The following PREX1 variants were observed in gnomAD, a reference collection of about 807,000 sequenced individuals.
PREX1 encodes phosphatidylinositol-3,4,5-trisphosphate dependent Rac exchange factor 1, also known as phosphatidylinositol 3,4,5-trisphosphate-dependent Rac exchanger 1 protein.
In PREX1, 41 loss-of-function variants were observed where a neutral mutation model predicts 198.3. The observed-to-expected ratio is 0.21, with a 90% CI of 0.16 to 0.27. PREX1 has a LOEUF of 0.27. Ranked by LOEUF, PREX1 falls within the 10% of genes least tolerant of loss-of-function variation. The pLI is 1.00. For synonymous variants in PREX1, 843 were observed against 887.2 expected (o/e 0.95, Z 0.89); for missense variants, 1,620 against 2,200.7 (o/e 0.74, Z 5.28).
intron 27 of PREX1, 80 bp from the exon 28 acceptor site, chr20:48,642,569 A>G: frequency 7.9e-7 from 1 of 1,269,946 alleles, no homozygotes; most frequent in Non-Finnish European, 1.1e-6. Flanking sequence ...TAAGAGGGGG[A>G]TACAGCTACA....
intron 5 of PREX1, among the ~76,000 whole-genome samples, chr20:48,720,707 T>A (rs754554732): frequency 6.6e-6 from 1 of 152,018 alleles, no homozygotes; most frequent in Non-Finnish European, 1.5e-5. Context: ...CACTCCCAGT[T>A]GTCCCCCTTC....
chr20:48,845,856 T>C, the PREX1 span, among the ~76,000 whole-genome samples: 1 of 152,152 alleles, frequency 6.6e-6, no homozygotes, highest in Admixed American at 6.6e-5. Flanking sequence ...TCAAAAGTGA[T>C]GTGTGGATTT....
At chr20:48,631,958 C>T (rs1000552358) in intron 35 of PREX1, among the ~76,000 whole-genome samples, 16 of 152,154 alleles carry the variant, frequency 1.1e-4, no homozygotes, top group African/African-American at 3.9e-4. Flanking sequence ...AGAATGAAGC[C>T]GGCTCCTCTC....
chr20:48,691,233 T>G lies in PREX1; in HGVS notation c.1037-137A>C. 9.3e-7 allele frequency: 1 copy of G among 1,077,258 alleles called. No homozygotes were observed. The highest frequency in any genetic ancestry group is 1.4e-6 in the Non-Finnish European group (1 of 732,010). The allele number at this position is 1,077,258 out of a possible 1,614,324, so 66.7% of individuals were successfully genotyped here. ...GGATGGGGAGCTGGACTTCCAGCCC[T>G]TCAAACGCTCACTTCTTATCCTTTT... On this transcript the variant is annotated intron_variant, in intron 8 of 39. Transcript: ENST00000371941. The surrounding 1 kb of genome is among the most constrained non-coding windows in gnomAD (Gnocchi z 5.0).
intron 4 of PREX1, among the ~76,000 whole-genome samples, chr20:48,729,242 A>G (rs2090023360): frequency 6.6e-6 from 1 of 152,004 alleles, no homozygotes; most frequent in Admixed American, 6.5e-5. Flanking sequence ...ATGCCCAGCT[A>G]ATTTTTGTAT....
chr20:48,841,207 C>A, the PREX1 span, among the ~76,000 whole-genome samples: 2 of 152,194 alleles, frequency 1.3e-5, no homozygotes, highest in Non-Finnish European at 2.9e-5. Context: ...CCGATGGGAG[C>A]CACTTCACCA....
At chr20:48,777,361 T>C (rs2090267307) in intron 1 of PREX1, among the ~76,000 whole-genome samples, 1 of 152,040 alleles carries the variant, frequency 6.6e-6, no homozygotes, top group Non-Finnish European at 1.5e-5. Context: ...TTCGCTGGAA[T>C]CCCAAACCCA....
intron 1 of PREX1, among the ~76,000 whole-genome samples, chr20:48,800,420 CACTTG>C (rs2090381312): frequency 6.6e-6 from 1 of 152,186 alleles, no homozygotes; most frequent in South Asian, 2.1e-4. Context: ...CTCTATTTAC[CACTTG>C]ACTTATCAGT....
At chr20:48,862,805 A>ATGTGTGTG in the PREX1 span, among the ~76,000 whole-genome samples, 1 of 120,830 alleles carries the variant, frequency 8.3e-6, no homozygotes. Flanking sequence ...ATATATATAT[A>ATGTGTGTG]TATATATACT....
At position 48,625,888 on chromosome 20, in the gene PREX1, G is replaced by A; in HGVS notation, c.4977C>T (p.Leu1659=). 6.4e-7 allele frequency: 1 copy of A among 1,564,120 alleles called. No homozygotes were observed. Among genetic ancestry groups the A allele is most frequent in the South Asian group, 1.2e-5 (1 of 85,240 alleles). The change falls in exon 40 of 40, where the codon CTC becomes CTT. Residue 1659 remains leucine, a synonymous_variant. Transcript: ENST00000371941. The stretch of plus-strand genomic sequence containing the variant: ...CCAGCGTGGGGCATTTGGGTGTTCA[G>A]AGGTCCCCATCCACCGGCGGCTGGC... ...RLCQPPVDGD[L]
chr20:48,847,364 T>TAAAAAAAAAAAAAAAAAAAAAAAA, the PREX1 span, among the ~76,000 whole-genome samples: 18 of 77,210 alleles, frequency 2.3e-4, 1 homozygote, highest in Non-Finnish European at 3.6e-4. Flanking sequence ...CCTTCTCTTA[T>TAAAAAAAAAAAAAAAAAAAAAAAA]AAAAAAAAAA....
At chr20:48,698,974 C>T (rs967228754) in intron 7 of PREX1, among the ~76,000 whole-genome samples, 2 of 152,176 alleles carry the variant, frequency 1.3e-5, no homozygotes, top group Non-Finnish European at 2.9e-5. Context: ...GATCCAATGG[C>T]GGGCCTAGCT....
At chr20:48,840,986 A>G in the PREX1 span, among the ~76,000 whole-genome samples, 1 of 150,966 alleles carries the variant, frequency 6.6e-6, no homozygotes, top group Non-Finnish European at 1.5e-5. Flanking sequence ...AAATGTGCAG[A>G]TGGGGGTCTC....
intron 5 of PREX1, among the ~76,000 whole-genome samples, chr20:48,724,682 G>A (rs1171220765): frequency 6.6e-6 from 1 of 152,208 alleles, no homozygotes; most frequent in Admixed American, 6.5e-5. Context: ...ACAGGCCATG[G>A]GCTATATTTG....
the PREX1 span, among the ~76,000 whole-genome samples, chr20:48,844,203 A>G: frequency 6.6e-5 from 10 of 152,192 alleles, no homozygotes; most frequent in African/African-American, 2.4e-4. Context: ...AGCACTCAGC[A>G]CAGTGATATT....
intron 1 of PREX1, among the ~76,000 whole-genome samples, chr20:48,778,965 G>A (rs890060922): frequency 6.6e-5 from 10 of 152,070 alleles, no homozygotes; most frequent in Non-Finnish European, 1.2e-4. Context: ...GTTCTTAGAT[G>A]TGACATTAAA....
chr20:48,835,616 T>C, the PREX1 span, among the ~76,000 whole-genome samples: 1 of 152,050 alleles, frequency 6.6e-6, no homozygotes, highest in African/African-American at 2.4e-5. Flanking sequence ...GTGCAAAGGC[T>C]TGGAGGTAGG....
intron 1 of PREX1, among the ~76,000 whole-genome samples, chr20:48,788,929 G>A (rs566213084): frequency 3.3e-4 from 51 of 152,286 alleles, no homozygotes; most frequent in African/African-American, 1.2e-3. Flanking sequence ...AAACTGCCTC[G>A]AGTCTCTTTA....
At chr20:48,734,255 T>C (rs1391996931) in intron 4 of PREX1, among the ~76,000 whole-genome samples, 1 of 152,182 alleles carries the variant, frequency 6.6e-6, no homozygotes, top group African/African-American at 2.4e-5. Context: ...AAATAAAGTT[T>C]TATTGCCACA....
Sources: allele counts gnomAD v4.1 joint callset (sites outside exome capture counted in the v4.1 genomes callset), GRCh38; gene constraint gnomAD v4.1.1; non-coding constraint Gnocchi (gnomAD v3.1); transcripts MANE v1.5; gene names NCBI Gene and HGNC (gene_info 2026-07-23, HGNC 2026-07-21).